The following PTK2 variants were observed in gnomAD, a reference collection of about 807,000 sequenced individuals.
The protein encoded by PTK2 is focal adhesion kinase 1.
In PTK2, 45 loss-of-function variants were observed where a neutral mutation model predicts 150.1. That is an observed-to-expected ratio of 0.30 (90% CI 0.24 to 0.38). The LOEUF is 0.38. Among genes scored for constraint, PTK2 ranks in the 10% least tolerant of loss-of-function variants. The pLI is 1.00. For synonymous variants in PTK2, 432 were observed against 449.2 expected, an observed-to-expected ratio of 0.96 and a Z score of 0.48; for missense variants, 919 against 1,307.3, an observed-to-expected ratio of 0.70 and a Z score of 4.58.
intron 16 of PTK2, among the ~76,000 whole-genome samples, chr8:140,755,595 C>A (rs1192048933): frequency 6.6e-6 from 1 of 152,176 alleles, no homozygotes; most frequent in East Asian, 1.9e-4. Flanking sequence ...TCTTTCTGAG[C>A]ATCCCATGTG....
exon 3 of PTK2, chr8:140,890,761 T>C: frequency 1.9e-6 from 3 of 1,613,730 alleles, no homozygotes; most frequent in Non-Finnish European, 2.5e-6. Flanking sequence ...GCTAGGTATC[T>C]GTCATATTCT....
chr8:140,663,898 CTT>C (rs2084999317), intron 31 of PTK2, among the ~76,000 whole-genome samples: 2 of 152,200 alleles, frequency 1.3e-5, no homozygotes, highest in Admixed American at 1.3e-4. Context: ...AAGCCATCCT[CTT>C]GTCTCGGCCG....
At chr8:140,884,586 A>G (rs911729224) in intron 3 of PTK2, among the ~76,000 whole-genome samples, 1 of 152,148 alleles carries the variant, frequency 6.6e-6, no homozygotes, top group Non-Finnish European at 1.5e-5. Context: ...CCTAACAATA[A>G]ACACTGAAGA....
intron 31 of PTK2, among the ~76,000 whole-genome samples, chr8:140,660,860 C>G (rs968181075): frequency 2.6e-5 from 4 of 152,186 alleles, no homozygotes; most frequent in African/African-American, 9.7e-5. Context: ...TTTCTTCAAC[C>G]AGTGGTGACT....
At chr8:140,818,914 C>G (rs2100106424) in exon 9 of PTK2, 1 of 1,613,594 alleles carries the variant, frequency 6.2e-7, no homozygotes. Context: ...CTTATCAAAT[C>G]TGTAGACTGG....
intron 7 of PTK2, among the ~76,000 whole-genome samples, chr8:140,834,193 G>C (rs547932040): frequency 1.3e-5 from 2 of 152,258 alleles, no homozygotes; most frequent in South Asian, 4.2e-4. Context: ...CATTCTCTAG[G>C]GCTTGGTGCT....
chr8:140,678,470 T>C (rs1040512677), intron 27 of PTK2, among the ~76,000 whole-genome samples: 9 of 151,974 alleles, frequency 5.9e-5, no homozygotes, highest in Non-Finnish European at 1.0e-4. Flanking sequence ...CCTCAGCCTT[T>C]TGAGTAGCTG....
intron 8 of PTK2, among the ~76,000 whole-genome samples, chr8:140,823,982 C>CT (rs1567057806): frequency 6.6e-6 from 1 of 152,172 alleles, no homozygotes. Context: ...CTCTTGGCCT[C>CT]TTATTTCTCA....
chr8:140,953,351 TG>T (rs2100180135), intron 1 of PTK2, among the ~76,000 whole-genome samples: 2 of 152,218 alleles, frequency 1.3e-5, no homozygotes, highest in African/African-American at 4.8e-5. Context: ...TATAACAATA[TG>T]CCAGCATCAC....
intron 3 of PTK2, among the ~76,000 whole-genome samples, chr8:140,881,679 T>A (rs1568104089): frequency 6.6e-6 from 1 of 152,202 alleles, no homozygotes; most frequent in African/African-American, 2.4e-5. Flanking sequence ...TCATTTCTCA[T>A]AATTGTCACC....
At chr8:140,700,996 C>A (rs200210469) in exon 26 of PTK2, 1 of 1,613,966 alleles carries the variant, frequency 6.2e-7, no homozygotes, top group Non-Finnish European at 8.5e-7. Flanking sequence ...CTTGCCCAAT[C>A]CCTCGCAGGT....
At chr8:140,793,181 C>T (rs1246889153) in intron 13 of PTK2, among the ~76,000 whole-genome samples, 173 bp downstream of exon 13, 1 of 152,128 alleles carries the variant, frequency 6.6e-6, no homozygotes, top group Admixed American at 6.5e-5. Flanking sequence ...TTGATTAAGC[C>T]TAAATACTTA....
chr8:140,847,402 A>G (rs1034299896), intron 5 of PTK2, among the ~76,000 whole-genome samples: 7 of 152,242 alleles, frequency 4.6e-5, no homozygotes, highest in Non-Finnish European at 8.8e-5. Flanking sequence ...TTAAAAGCCG[A>G]TAAGAGTGAT....
At chr8:140,883,267 T>C (rs1291208164) in intron 3 of PTK2, among the ~76,000 whole-genome samples, 13 of 152,186 alleles carry the variant, frequency 8.5e-5, no homozygotes, top group Admixed American at 8.5e-4. Flanking sequence ...ACGGTTAAGA[T>C]GCAATTCTGA....
chr8:140,895,913 GAAC>G (rs1343917162), intron 2 of PTK2, among the ~76,000 whole-genome samples: 2 of 151,828 alleles, frequency 1.3e-5, no homozygotes, highest in East Asian at 3.9e-4. Context: ...CTTAAAAGCA[GAAC>G]AAAATTAAAA....
At chr8:140,866,929 A>G (rs7008498) in intron 4 of PTK2, among the ~76,000 whole-genome samples, 64,442 of 152,074 alleles carry the variant, frequency 0.42, 15,363 homozygotes, top group Non-Finnish European at 0.55. Context: ...TGATATCTGA[A>G]CAAAGATCTA....
intron 23 of PTK2, among the ~76,000 whole-genome samples, chr8:140,707,363 T>C (rs756478377): frequency 6.6e-6 from 1 of 152,188 alleles, no homozygotes; most frequent in African/African-American, 2.4e-5. Context: ...GTCCTAAAAC[T>C]GGTTGTGGCG....
At chr8:140,978,199 G>A (rs1273350839) in intron 1 of PTK2, among the ~76,000 whole-genome samples, 3 of 152,150 alleles carry the variant, frequency 2.0e-5, no homozygotes, top group Admixed American at 6.5e-5. Flanking sequence ...ATAGGCATGG[G>A]CAAGGACTTC....
rs371693714 is a variant in PTK2, at chr8:140,907,688, T to C, written c.-32-16919A>G. 3.9e-5 allele frequency among the ~76,000 whole-genome samples: 6 copies of C among 152,328 alleles called. No individual in the cohort carries two copies. The East Asian group carries it at 7.7e-4, about 20-fold the overall frequency. On this transcript the variant is annotated intron_variant, in intron 2 of 31. Coordinates refer to ENST00000522684, the Ensembl canonical transcript of PTK2. ...TGCTACATTTTGGTAATGCTCACAA[T>C]TATTTCCAACTTTTTCATTATTATT...
Sources: gnomAD v4.1 joint callset for allele counts (sites outside exome capture counted in the v4.1 genomes callset) on GRCh38, gnomAD v4.1.1 for gene constraint, MANE v1.5 for transcripts, NCBI Gene and HGNC (gene_info 2026-07-23, HGNC 2026-07-21) for gene names.